RSU1: variants seen among roughly 807,000 people sequenced by gnomAD.
RSU1 encodes rsu-1.
Under a neutral mutation model 31.1 loss-of-function variants are expected in RSU1, and 26 were observed. The observed-to-expected ratio is 0.84, with a 90% CI of 0.61 to 1.16. The LOEUF is 1.16. Ranked by LOEUF, RSU1 falls within the 50% of genes most tolerant of loss-of-function variation. The pLI is 0.00. For missense variants in RSU1, 320 were observed against 339.1 expected (o/e 0.94, Z 0.44); for synonymous variants, 164 against 136.3 (o/e 1.20, Z -1.41).
chr10:16,660,991 T>C (rs1172614729), intron 8 of RSU1, among the ~76,000 whole-genome samples: 1 of 152,140 alleles, frequency 6.6e-6, no homozygotes, highest in Non-Finnish European at 1.5e-5. Flanking sequence ...TTTTAACCTA[T>C]CTACTGAAAT....
At chr10:16,791,925 A>T (rs117576437) in intron 2 of RSU1, among the ~76,000 whole-genome samples, 1 of 152,194 alleles carries the variant, frequency 6.6e-6, no homozygotes, top group African/African-American at 2.4e-5. Flanking sequence ...GAAGCAAATG[A>T]TTCCTTTAGT....
chr10:16,768,261 C>T (rs1837354142), intron 3 of RSU1, among the ~76,000 whole-genome samples: 1 of 152,148 alleles, frequency 6.6e-6, no homozygotes, highest in South Asian at 2.1e-4. Flanking sequence ...GGATTATGAC[C>T]ATTTCCAAGG....
intron 8 of RSU1, among the ~76,000 whole-genome samples, chr10:16,692,630 A>T (rs2131560232): frequency 6.6e-6 from 1 of 152,364 alleles, no homozygotes; most frequent in East Asian, 1.9e-4. Flanking sequence ...AATGATTAAC[A>T]ATTTACAAAG....
chr10:16,775,283 C>G (rs1476208707), intron 3 of RSU1, among the ~76,000 whole-genome samples: 1 of 152,108 alleles, frequency 6.6e-6, no homozygotes, highest in Non-Finnish European at 1.5e-5. Flanking sequence ...CAGGATCAGC[C>G]CCGCACATGG....
intron 2 of RSU1, among the ~76,000 whole-genome samples, chr10:16,805,283 T>C (rs1454044815): frequency 6.6e-6 from 1 of 152,128 alleles, no homozygotes; most frequent in Non-Finnish European, 1.5e-5. Flanking sequence ...TGCAAGATGT[T>C]AATATGGGAA....
intron 8 of RSU1, among the ~76,000 whole-genome samples, chr10:16,624,469 C>T (rs892088317): frequency 6.6e-6 from 1 of 152,108 alleles, no homozygotes; most frequent in Admixed American, 6.5e-5. Context: ...TCAATCCTCC[C>T]TCTGAACTCC....
At chr10:16,679,029 A>G (rs1033449277) in intron 8 of RSU1, among the ~76,000 whole-genome samples, 3 of 152,234 alleles carry the variant, frequency 2.0e-5, no homozygotes, top group African/African-American at 7.2e-5. Context: ...GTAATGTGGT[A>G]AAAAGATCTA....
intron 8 of RSU1, among the ~76,000 whole-genome samples, chr10:16,673,265 G>C (rs960713723): frequency 2.0e-5 from 3 of 152,144 alleles, no homozygotes; most frequent in African/African-American, 7.2e-5. Context: ...AATTGCTGTG[G>C]AGTCCCTGTT....
intron 7 of RSU1, among the ~76,000 whole-genome samples, chr10:16,708,100 T>C (rs908320421): frequency 2.6e-5 from 4 of 152,182 alleles, no homozygotes; most frequent in Admixed American, 1.3e-4. Flanking sequence ...GCCAGTAACA[T>C]GTTTAGGTTC....
At chr10:16,642,799 G>A (rs902705352) in intron 8 of RSU1, among the ~76,000 whole-genome samples, 1 of 151,972 alleles carries the variant, frequency 6.6e-6, no homozygotes, top group African/African-American at 2.4e-5. Flanking sequence ...ATACTTCTTC[G>A]CCAGTCTCAA....
At chr10:16,782,198 A>G (rs1837668488) in intron 2 of RSU1, 114 bp from the exon 3 acceptor site, 2 of 732,652 alleles carry the variant, frequency 2.7e-6, no homozygotes, top group Admixed American at 2.6e-5. Flanking sequence ...TTGAAGCACT[A>G]TCGCTCACCA....
intron 4 of RSU1, 46 bp downstream of exon 4, chr10:16,764,344 C>A: frequency 6.4e-7 from 1 of 1,555,830 alleles, no homozygotes; most frequent in South Asian, 1.3e-5. Flanking sequence ...CGGCATGCCC[C>A]TTCCACTCTC....
intron 2 of RSU1, among the ~76,000 whole-genome samples, chr10:16,801,830 T>G (rs1838161819): frequency 6.6e-6 from 1 of 152,012 alleles, no homozygotes; most frequent in Non-Finnish European, 1.5e-5. Context: ...TTTAATTAAA[T>G]GAAAACGAAA....
rs567302129 is a variant in RSU1 at position 16,703,646 on chromosome 10, G to A, written c.599-8491C>T. Among the ~76,000 whole-genome samples, 10 of 152,176 alleles carry A rather than the reference G, an allele frequency of 6.6e-5. No individual in the cohort carries two copies. In the East Asian group the frequency reaches 1.7e-3, roughly 26 times the overall value. ...GTTTTCAAATAAAATTTAATGACATGGGGCAATGGTCATGACATAATATTG... is the reference window on the plus strand; with the variant it reads ...GTTTTCAAATAAAATTTAATGACATAGGGCAATGGTCATGACATAATATTG... On this transcript the variant is annotated intron_variant, in intron 7 of 8. Coordinates refer to ENST00000345264, the MANE Select transcript of RSU1 (RefSeq NM_012425.4).
intron 7 of RSU1, among the ~76,000 whole-genome samples, chr10:16,715,395 G>T (rs2883918): frequency 6.6e-6 from 1 of 151,944 alleles, no homozygotes; most frequent in African/African-American, 2.4e-5. Context: ...ACGTCTTGAA[G>T]ATTTTATCCT....
At chr10:16,723,064 C>A (rs1415623527) in intron 7 of RSU1, 1 of 150,636 alleles carries the variant, frequency 6.6e-6, no homozygotes, top group Non-Finnish European at 1.5e-5. Flanking sequence ...ACATATATAT[C>A]ATGTGATATA....
intron 8 of RSU1, among the ~76,000 whole-genome samples, chr10:16,623,968 T>C (rs1322113700): frequency 6.6e-6 from 1 of 152,138 alleles, no homozygotes; most frequent in African/African-American, 2.4e-5. Flanking sequence ...ATCTTAGACC[T>C]TGGGCTCTGA....
At chr10:16,647,147 T>C (rs1194254467) in intron 8 of RSU1, among the ~76,000 whole-genome samples, 1 of 152,112 alleles carries the variant, frequency 6.6e-6, no homozygotes, top group Non-Finnish European at 1.5e-5. Context: ...TCATTTTTTA[T>C]ATTTTAAGTA....
At chr10:16,704,487 T>C (rs1446789798) in intron 7 of RSU1, among the ~76,000 whole-genome samples, 1 of 152,232 alleles carries the variant, frequency 6.6e-6, no homozygotes, top group African/African-American at 2.4e-5. Context: ...GGCCTTGGTC[T>C]TTCCAGTACA....
Sources: allele counts gnomAD v4.1 joint callset (sites outside exome capture counted in the v4.1 genomes callset), GRCh38; gene constraint gnomAD v4.1.1; transcripts MANE v1.5; gene names NCBI Gene and HGNC (gene_info 2026-07-23, HGNC 2026-07-21).